SOHLH2: variants seen among roughly 807,000 people sequenced by gnomAD.
SOHLH2 encodes spermatogenesis- and oogenesis-specific basic helix-loop-helix-containing protein 2.
SOHLH2 carries 22 observed loss-of-function variants against 50.4 expected under a neutral mutation model. The observed-to-expected ratio is 0.44, with a 90% confidence interval of 0.31 to 0.62. The LOEUF (loss-of-function observed/expected upper bound fraction) is 0.62. Ranked by LOEUF, SOHLH2 falls within the 20% of genes least tolerant of loss-of-function variation. SOHLH2 has a pLI of 0.08. For synonymous variants in SOHLH2, 185 were observed against 187.3 expected, an observed-to-expected ratio of 0.99 and a Z score of 0.10; for missense variants, 412 against 504.4, an observed-to-expected ratio of 0.82 and a Z score of 1.76.
chr13:36,204,075 T>C (rs2138323321), intron 1 of SOHLH2, among the ~76,000 whole-genome samples: 1 of 151,408 alleles, frequency 6.6e-6, no homozygotes, highest in Non-Finnish European at 1.5e-5. Context: ...TTCAGCCTCC[T>C]GAGTAGCTGG....
intron 1 of SOHLH2, among the ~76,000 whole-genome samples, chr13:36,211,792 T>A (rs1375854001): frequency 6.6e-6 from 1 of 152,212 alleles, no homozygotes; most frequent in African/African-American, 2.4e-5. Flanking sequence ...TTTTTGCAAG[T>A]AATACCGAAC....
intron 6 of SOHLH2, among the ~76,000 whole-genome samples, chr13:36,184,700 C>T (rs1018922395): frequency 1.3e-5 from 2 of 152,100 alleles, no homozygotes; most frequent in African/African-American, 4.8e-5. Context: ...CCTCGTGATC[C>T]ACCCGCCTTG....
chr13:36,173,911 T>C lies in SOHLH2; in HGVS notation c.882-101A>G, dbSNP rs181608077. The C allele has an allele frequency of 1.1e-4, 145 of 1,315,336 alleles. No homozygotes were observed. In the African/African-American group the frequency reaches 1.8e-3, roughly 17 times the overall value. The allele number at this position is 1,315,336 out of a possible 1,614,324, so 81.5% of individuals were successfully genotyped here. A position where few individuals can be genotyped will look rare whatever the true frequency, so the allele number is the denominator to read the frequency against. On this transcript the variant is annotated intron_variant, in intron 8 of 10. Coordinates refer to ENST00000379881, the MANE Select transcript of SOHLH2 (RefSeq NM_017826.3). ...TTTATCATTCAAGTTCTAAAAACACTGATAAAGCCTCAACTATGGATTATT... is the reference window on the plus strand; with the variant it reads ...TTTATCATTCAAGTTCTAAAAACACCGATAAAGCCTCAACTATGGATTATT...
At chr13:36,196,206 G>C (rs943695288) in intron 2 of SOHLH2, among the ~76,000 whole-genome samples, 1 of 146,566 alleles carries the variant, frequency 6.8e-6, no homozygotes, top group Non-Finnish European at 1.5e-5. Flanking sequence ...GCTCACTACA[G>C]CCTCACCCTC....
At chr13:36,175,844 AAGGAT>A (rs1379365203) in intron 6 of SOHLH2, among the ~76,000 whole-genome samples, 1 of 152,072 alleles carries the variant, frequency 6.6e-6, no homozygotes, top group African/African-American at 2.4e-5. Context: ...CTGGGAAGGG[AAGGAT>A]AGAAGAGTCA....
chr13:36,208,318 T>A (rs1868904951), intron 1 of SOHLH2, among the ~76,000 whole-genome samples: 1 of 152,186 alleles, frequency 6.6e-6, no homozygotes, highest in Non-Finnish European at 1.5e-5. Flanking sequence ...ATGTTCCTTT[T>A]CCCTCATTTA....
intron 2 of SOHLH2, among the ~76,000 whole-genome samples, chr13:36,197,158 C>A (rs79882008): frequency 0.035 from 5,264 of 152,270 alleles, 113 homozygotes; most frequent in South Asian, 0.11. Flanking sequence ...CAATTAATGT[C>A]TCTTGTGTTT....
At chr13:36,178,018 G>A (rs193086403) in intron 6 of SOHLH2, among the ~76,000 whole-genome samples, 1 of 151,728 alleles carries the variant, frequency 6.6e-6, no homozygotes, top group Non-Finnish European at 1.5e-5. Context: ...CTATTTTCTT[G>A]TAGAACTGTA....
chr13:36,203,239 G>T (rs1476209841), intron 1 of SOHLH2, among the ~76,000 whole-genome samples: 1 of 152,114 alleles, frequency 6.6e-6, no homozygotes, highest in East Asian at 1.9e-4. Flanking sequence ...TCATAAATGG[G>T]CTGTTAGTAT....
chr13:36,189,662 A>G (rs1236999764), intron 6 of SOHLH2, among the ~76,000 whole-genome samples: 1 of 152,182 alleles, frequency 6.6e-6, no homozygotes, highest in Non-Finnish European at 1.5e-5. Flanking sequence ...ATAATTTTCT[A>G]CTTAATAGCC....
chr13:36,212,091 T>TCTGC (rs1869162879), intron 1 of SOHLH2, among the ~76,000 whole-genome samples: 3 of 152,014 alleles, frequency 2.0e-5, no homozygotes, highest in African/African-American at 7.2e-5. Flanking sequence ...AAGAAAGAGT[T>TCTGC]ATGAAGGGCA....
Position 36,185,814 on chromosome 13 carries a change from G to A in SOHLH2, c.641+4132C>T, listed in dbSNP as rs181384444. On this transcript the variant is annotated intron_variant, in intron 6 of 10. Transcript: ENST00000379881. Reference sequence around the variant, plus strand: ...AACCAAACTGACACAGAAAAAAACAGCCAAAAGGAAAAAATAGGGAATTTA... The same window carrying A: ...AACCAAACTGACACAGAAAAAAACAACCAAAAGGAAAAAATAGGGAATTTA... 1.2e-4 allele frequency among the ~76,000 whole-genome samples: 19 copies of A among 152,016 alleles called. No individual in the cohort carries two copies. The East Asian group carries it at 3.5e-3, about 28-fold the overall frequency.
chr13:36,184,239 A>G lies in SOHLH2; in HGVS notation c.641+5707T>C, dbSNP rs559965657. 9.2e-5 allele frequency among the ~76,000 whole-genome samples: 14 copies of G among 152,300 alleles called. No homozygotes were observed. In the East Asian group the frequency reaches 2.5e-3, roughly 27 times the overall value. ...CATTCAAGTTAAGTTATACACTTCT[A>G]AACAGTGAAAAGACTTACTAGTGAA... On this transcript the variant is annotated intron_variant, in intron 6 of 10. Coordinates refer to ENST00000379881, the MANE Select transcript of SOHLH2 (RefSeq NM_017826.3).
chr13:36,187,215 A>C (rs145703347), intron 6 of SOHLH2, among the ~76,000 whole-genome samples: 60 of 152,348 alleles, frequency 3.9e-4, no homozygotes, highest in Middle Eastern at 3.4e-3. Context: ...TCAACCATTA[A>C]AATTTTAAAA....
In SOHLH2 at chr13:36,193,638, G is replaced by C. The variant is rs1167129275; in HGVS notation, c.413C>G (p.Thr138Arg). Residue 138 changes from threonine (T) to arginine (R), a missense_variant, in exon 4 of 11, where the codon ACA becomes AGA. Transcript: ENST00000379881. The part of the protein sequence containing the change: ...KMSNVVKYWT[T>R]CPSNTVKTEN... ...TTACTCACCAGTGTTTGAGGGACAT[G>C]TTGTCCAGTATTTTACCACATTACT... The C allele has an allele frequency of 6.2e-7, 1 of 1,606,194 alleles. No homozygotes were observed. The highest frequency in any genetic ancestry group is 8.5e-7 in the Non-Finnish European group (1 of 1,178,162).
chr13:36,202,541 A>C (rs1868486731), intron 1 of SOHLH2, among the ~76,000 whole-genome samples: 1 of 152,266 alleles, frequency 6.6e-6, no homozygotes. Context: ...TTCCTAAATC[A>C]TAAGAAACAC....
chr13:36,174,684 C>T, intron 7 of SOHLH2, 38 bp downstream of exon 7: 1 of 1,592,700 alleles, frequency 6.3e-7, no homozygotes, highest in South Asian at 1.2e-5. Context: ...TAAAGCATGT[C>T]TATAAGGATA....
intron 6 of SOHLH2, among the ~76,000 whole-genome samples, chr13:36,175,360 A>T (rs555899835): frequency 6.6e-6 from 1 of 152,358 alleles, no homozygotes; most frequent in East Asian, 1.9e-4. Flanking sequence ...ACAACAGATC[A>T]GCTAGCATCT....
Sources: allele counts gnomAD v4.1 joint callset (sites outside exome capture counted in the v4.1 genomes callset), GRCh38; gene constraint gnomAD v4.1.1; transcripts MANE v1.5; gene names NCBI Gene and HGNC (gene_info 2026-07-23, HGNC 2026-07-21).